GGTA1: variants seen among roughly 807,000 people sequenced by gnomAD.
GGTA1 encodes the protein inactive N-acetyllactosaminide alpha-1,3-galactosyltransferase.
GGTA1 carries 5 observed loss-of-function variants against 2.6 expected under a neutral mutation model. The observed-to-expected ratio is 1.92, with a 90% CI of 1.00 to 4.04. The LOEUF is 4.04. Among genes scored for constraint, GGTA1 ranks in the 30% most tolerant of loss-of-function variants. The pLI is 0.00. For synonymous variants in GGTA1, 17 were observed against 5.0 expected (o/e 3.38, Z -3.19); for missense variants, 50 against 16.7 (o/e 2.99, Z -3.47).
chr9:121,486,292 G>T (rs1828752305), intron 1 of GGTA1, among the ~76,000 whole-genome samples: 1 of 152,246 alleles, frequency 6.6e-6, no homozygotes, highest in Non-Finnish European at 1.5e-5. Context: ...GTGGGAGGAG[G>T]ACACTGTTGC....
chr9:121,465,719 A>G (rs1027923781), intron 2 of GGTA1, among the ~76,000 whole-genome samples: 20 of 152,252 alleles, frequency 1.3e-4, no homozygotes, highest in Middle Eastern at 3.4e-3. Context: ...AAAGAATTAA[A>G]TTCCTGTTGC....
chr9:121,469,435 G>A (rs1479512087), intron 1 of GGTA1, among the ~76,000 whole-genome samples: 1 of 152,148 alleles, frequency 6.6e-6, no homozygotes, highest in Non-Finnish European at 1.5e-5. Flanking sequence ...GCAAATAGAC[G>A]ATGAAAGGCA....
intron 1 of GGTA1, among the ~76,000 whole-genome samples, chr9:121,487,277 C>T (rs1221237710): frequency 2.6e-5 from 4 of 152,060 alleles, no homozygotes; most frequent in African/African-American, 7.2e-5. Flanking sequence ...CTGAGCCTCA[C>T]GAGTTAAAGA....
intron 1 of GGTA1, among the ~76,000 whole-genome samples, chr9:121,491,616 T>A (rs1401107892): frequency 6.6e-6 from 1 of 151,752 alleles, no homozygotes; most frequent in Non-Finnish European, 1.5e-5. Context: ...TTTTTTCTTG[T>A]TTTCTTTTTT....
chr9:121,448,678 T>A (rs1288244778), intron 7 of GGTA1, among the ~76,000 whole-genome samples: 1 of 152,176 alleles, frequency 6.6e-6, no homozygotes. Context: ...AGTTTTATGT[T>A]CACAGAAAAA....
chr9:121,452,201 C>T (rs932585350), downstream of GGTA1: 2 of 152,606 alleles, frequency 1.3e-5, no homozygotes, highest in African/African-American at 2.4e-5. Flanking sequence ...ATAATAATTT[C>T]CTAGGATGGC....
chr9:121,474,573 T>C (rs1259056776), intron 1 of GGTA1, among the ~76,000 whole-genome samples: 3 of 152,182 alleles, frequency 2.0e-5, no homozygotes, highest in African/African-American at 7.2e-5. Context: ...CCTCCAATCC[T>C]TCTCACACAG....
At chr9:121,449,839 C>CAAAAAAAAAA (rs35123086) in intron 7 of GGTA1, among the ~76,000 whole-genome samples, 1 of 94,294 alleles carries the variant, frequency 1.1e-5, no homozygotes, top group Non-Finnish European at 1.9e-5. Flanking sequence ...GACTCCATCT[C>CAAAAAAAAAA]AAAAAAAAAA....
chr9:121,483,065 G>C (rs138383167), intron 1 of GGTA1, among the ~76,000 whole-genome samples: 105 of 152,318 alleles, frequency 6.9e-4, no homozygotes, highest in South Asian at 1.7e-3. Context: ...AGATAAAGTG[G>C]TCCTCTCCAT....
chr9:121,453,419 G>T (rs1190923325), downstream of GGTA1, among the ~76,000 whole-genome samples: 3 of 151,896 alleles, frequency 2.0e-5, no homozygotes, highest in Admixed American at 6.6e-5. Flanking sequence ...AAGGGTAAAT[G>T]CAGAAAGCAC....
At chr9:121,459,275 A>C (rs575936307) in intron 5 of GGTA1, among the ~76,000 whole-genome samples, 1 of 152,206 alleles carries the variant, frequency 6.6e-6, no homozygotes, top group East Asian at 1.9e-4. Flanking sequence ...TGGACAACAT[A>C]GTAAGACCCT....
At chr9:121,482,930 G>C (rs983337425) in intron 1 of GGTA1, among the ~76,000 whole-genome samples, 1 of 152,110 alleles carries the variant, frequency 6.6e-6, no homozygotes, top group Non-Finnish European at 1.5e-5. Context: ...CAGCATGGGT[G>C]ACAGAGCGAG....
chr9:121,452,951 C>T (rs1439470014), downstream of GGTA1, among the ~76,000 whole-genome samples: 2 of 152,210 alleles, frequency 1.3e-5, no homozygotes, highest in African/African-American at 4.8e-5. Context: ...CCTTCCTAAG[C>T]TACTAGTAGC....
intron 7 of GGTA1, among the ~76,000 whole-genome samples, chr9:121,448,070 G>T (rs931356418): frequency 8.5e-5 from 13 of 152,128 alleles, no homozygotes; most frequent in African/African-American, 3.1e-4. Context: ...AACTCTGGGG[G>T]TTACATATTT....
At chr9:121,472,536 G>T (rs773650552) in intron 1 of GGTA1, among the ~76,000 whole-genome samples, 213 of 152,318 alleles carry the variant, frequency 1.4e-3, no homozygotes, top group Non-Finnish European at 2.6e-3. Flanking sequence ...AGAAAGGAGG[G>T]ATTTGGAATA....
chr9:121,496,757 A>AAAAAAAGAG (rs1554838784), intron 1 of GGTA1, among the ~76,000 whole-genome samples: 4 of 111,912 alleles, frequency 3.6e-5, no homozygotes, highest in Non-Finnish European at 6.2e-5. Context: ...AAAAAAAAAA[A>AAAAAAAGAG]AGAGAGAGAG....
At chr9:121,446,733 T>A (rs1156786577) in exon 8 of GGTA1, 4 of 152,220 alleles carry the variant, frequency 2.6e-5, no homozygotes, top group Admixed American at 2.6e-4. Flanking sequence ...CTGATTGCCC[T>A]AGATTCATTC....
downstream of GGTA1, among the ~76,000 whole-genome samples, chr9:121,453,800 T>G (rs1048679627): frequency 3.0e-4 from 46 of 152,254 alleles, 1 homozygote; most frequent in African/African-American, 1.0e-3. Flanking sequence ...ATCAGCAAAG[T>G]TGGGTTTTTC....
At chr9:121,481,761 CT>C (rs1828658079) in intron 1 of GGTA1, among the ~76,000 whole-genome samples, 3 of 149,784 alleles carry the variant, frequency 2.0e-5, no homozygotes, top group South Asian at 2.1e-4. Flanking sequence ...CTTTGGGAGG[CT>C]GAGGCGGGTG....
Sources: gnomAD v4.1 joint callset for allele counts (sites outside exome capture counted in the v4.1 genomes callset) on GRCh38, gnomAD v4.1.1 for gene constraint, MANE v1.5 for transcripts, NCBI Gene and HGNC (gene_info 2026-07-23, HGNC 2026-07-21) for gene names.